Variants in STX17 observed in about 807,000 individuals in gnomAD.
STX17 encodes syntaxin-17.
Under a neutral mutation model 35.9 loss-of-function variants are expected in STX17, and 29 were observed. The observed-to-expected ratio is 0.81, with a 90% confidence interval of 0.60 to 1.10. The LOEUF is 1.10. Among genes scored for constraint, STX17 ranks in the 50% least tolerant of loss-of-function variants. The pLI, the probability that STX17 is intolerant of heterozygous loss-of-function variation, is 0.00. For missense variants in STX17, 312 were observed against 352.3 expected (o/e 0.89, Z 0.92); for synonymous variants, 92 against 118.3 (o/e 0.78, Z 1.44).
intron 4 of STX17, among the ~76,000 whole-genome samples, chr9:99,956,204 C>T (rs1829707828): frequency 6.6e-6 from 1 of 152,094 alleles, no homozygotes. Flanking sequence ...ATGACTTAAA[C>T]ATTTTTATTC....
intron 2 of STX17, among the ~76,000 whole-genome samples, chr9:99,928,034 A>G (rs1829024864): frequency 6.6e-6 from 1 of 152,138 alleles, no homozygotes; most frequent in Admixed American, 6.5e-5. Context: ...GGAATGTGTA[A>G]AGTATCAAAA....
rs556921593 is a variant in STX17 at position 99,951,302 on chromosome 9, A to C, written c.415+17A>C. ...CTGTTGGTGGTAATGTATTGTGCTA[A>C]GTCTTATTCTCAGTCACAGTAGTGC... On this transcript the variant is annotated intron_variant, in intron 4 of 7. Transcript: ENST00000259400. The C allele has an allele frequency of 8.7e-6, 14 of 1,608,578 alleles. No homozygotes were observed. Among genetic ancestry groups the C allele is most frequent in the Admixed American group, 1.7e-5 (1 of 59,708 alleles).
chr9:99,940,822 A>T (rs74937705), intron 3 of STX17, among the ~76,000 whole-genome samples: 1 of 152,076 alleles, frequency 6.6e-6, no homozygotes, highest in African/African-American at 2.4e-5. Context: ...TTTGCAAAAA[A>T]CTTTATTACA....
chr9:99,909,723 C>G (rs1226734810), intron 1 of STX17, among the ~76,000 whole-genome samples: 2 of 152,042 alleles, frequency 1.3e-5, no homozygotes, highest in African/African-American at 4.8e-5. Context: ...GATAGCCGAA[C>G]AGGGTGACTA....
intron 3 of STX17, chr9:99,929,914 T>TC (rs1448336122): frequency 1.5e-5 from 2 of 137,874 alleles, no homozygotes; most frequent in African/African-American, 5.5e-5. Context: ...TCTTTTCTTT[T>TC]TTTTTTTTTT....
chr9:99,915,432 C>A, intron 2 of STX17, 70 bp downstream of exon 2: 1 of 1,499,296 alleles, frequency 6.7e-7, no homozygotes. Context: ...TTCATTTCAG[C>A]TAAATTTAGA....
chr9:99,967,770 G>A (rs994639021), intron 7 of STX17, 31 bp downstream of exon 7: 1 of 1,590,140 alleles, frequency 6.3e-7, no homozygotes, highest in Non-Finnish European at 8.6e-7. Context: ...ACAAATCAAT[G>A]GTACTCTGGC....
chr9:99,952,572 C>T (rs1829623858), intron 4 of STX17, among the ~76,000 whole-genome samples: 1 of 152,162 alleles, frequency 6.6e-6, no homozygotes, highest in Non-Finnish European at 1.5e-5. Context: ...TATAAAGACA[C>T]ATGCACACGT....
chr9:99,959,045 C>T (rs182368740), intron 4 of STX17, among the ~76,000 whole-genome samples: 1 of 152,280 alleles, frequency 6.6e-6, no homozygotes, highest in Non-Finnish European at 1.5e-5. Context: ...TCAACACCTT[C>T]TGTATCTGGT....
At chr9:99,932,171 T>C (rs1440815138) in intron 3 of STX17, among the ~76,000 whole-genome samples, 1 of 152,198 alleles carries the variant, frequency 6.6e-6, no homozygotes, top group Non-Finnish European at 1.5e-5. Context: ...TTTCTGAATC[T>C]AGAGTCAGTT....
At chr9:99,967,916 C>A (rs796661188) in intron 7 of STX17, among the ~76,000 whole-genome samples, 177 bp downstream of exon 7, 40 of 152,330 alleles carry the variant, frequency 2.6e-4, no homozygotes, top group African/African-American at 8.4e-4. Flanking sequence ...CTCTAAGATT[C>A]ATTCTATCAG....
At chr9:99,916,829 C>A (rs1243008522) in intron 2 of STX17, among the ~76,000 whole-genome samples, 1 of 152,096 alleles carries the variant, frequency 6.6e-6, no homozygotes. Flanking sequence ...AAGGCCATTT[C>A]TTTCCTTTGT....
At chr9:99,914,350 A>G (rs1298422634) in intron 1 of STX17, among the ~76,000 whole-genome samples, 1 of 152,206 alleles carries the variant, frequency 6.6e-6, no homozygotes. Context: ...ATAAGCTCCA[A>G]TTCATAAAAT....
chr9:99,921,754 T>C (rs762592246), intron 2 of STX17, among the ~76,000 whole-genome samples: 3 of 152,068 alleles, frequency 2.0e-5, no homozygotes, highest in African/African-American at 4.8e-5. Context: ...CAGTTCTTCA[T>C]AGATAAGCAG....
chr9:99,956,855 A>C (rs1210589947), intron 4 of STX17, among the ~76,000 whole-genome samples: 1 of 152,224 alleles, frequency 6.6e-6, no homozygotes, highest in Non-Finnish European at 1.5e-5. Flanking sequence ...ATAGTAATGC[A>C]GTTTTATAAA....
At chr9:99,918,659 G>A (rs940575550) in intron 2 of STX17, among the ~76,000 whole-genome samples, 1 of 152,032 alleles carries the variant, frequency 6.6e-6, no homozygotes, top group Admixed American at 6.6e-5. Flanking sequence ...TGATTGGAAA[G>A]TATGTGTGTA....
intron 6 of STX17, among the ~76,000 whole-genome samples, chr9:99,962,742 T>C (rs1434579501): frequency 6.6e-6 from 1 of 152,206 alleles, no homozygotes; most frequent in Non-Finnish European, 1.5e-5. Context: ...AAATGTCCTG[T>C]TTGTAATAAT....
intron 3 of STX17, among the ~76,000 whole-genome samples, chr9:99,933,128 A>G (rs1384162051): frequency 5.9e-5 from 9 of 152,178 alleles, no homozygotes; most frequent in Non-Finnish European, 8.8e-5. Context: ...TATGAGGTAG[A>G]CATCAATAAA....
chr9:99,951,607 C>G (rs1446732936), intron 4 of STX17, among the ~76,000 whole-genome samples: 1 of 151,936 alleles, frequency 6.6e-6, no homozygotes, highest in African/African-American at 2.4e-5. Context: ...TTTCCAGGTG[C>G]AGGGGTGACC....
Sources: gnomAD v4.1 joint callset for allele counts (sites outside exome capture counted in the v4.1 genomes callset) on GRCh38, gnomAD v4.1.1 for gene constraint, MANE v1.5 for transcripts, NCBI Gene and HGNC (gene_info 2026-07-23, HGNC 2026-07-21) for gene names.